Variants in CSMD2 observed in about 807,000 individuals in gnomAD.
CSMD2 encodes CUB and sushi domain-containing protein 2.
Under a neutral mutation model 398.5 loss-of-function variants are expected in CSMD2, and 130 were observed. That is an observed-to-expected ratio of 0.33 (90% CI 0.28 to 0.38). The LOEUF (loss-of-function observed/expected upper bound fraction) is 0.38. Ranked by LOEUF, CSMD2 falls within the 10% of genes least tolerant of loss-of-function variation. CSMD2 has a pLI of 1.00. For synonymous variants in CSMD2, 1,828 were observed against 1,908.5 expected (o/e 0.96, Z 1.10); for missense variants, 3,829 against 4,764.9 (o/e 0.80, Z 5.78).
chr1:34,109,885 C>G (rs1660878148), intron 1 of CSMD2, among the ~76,000 whole-genome samples: 1 of 151,234 alleles, frequency 6.6e-6, no homozygotes. Flanking sequence ...TAAAAATACA[C>G]AAAAAATTAG....
chr1:33,805,749 T>C (rs1026822713), intron 10 of CSMD2, among the ~76,000 whole-genome samples: 2 of 151,994 alleles, frequency 1.3e-5, no homozygotes, highest in African/African-American at 4.8e-5. Flanking sequence ...GGAAAAGCCA[T>C]GAGAGGACAC....
chr1:33,772,630 T>C lies in CSMD2; in HGVS notation c.1785A>G (p.Gly595=), dbSNP rs766021275. The C allele has an allele frequency of 2.5e-6, 4 of 1,614,000 alleles. No homozygotes were observed. In the South Asian group the frequency reaches 4.4e-5, roughly 18 times the overall value. Residue 595 remains glycine (G), a synonymous_variant, in exon 13 of 71, where the codon GGA becomes GGG. Coordinates refer to ENST00000373381, the MANE Select transcript of CSMD2 (RefSeq NM_001281956.2). Reference sequence around the variant, plus strand: ...TCTTTTGGCATGTGATTGCCTTCTGTCCCACCAGCTCAAAGGCGGGCTGGC... The same window carrying C: ...TCTTTTGGCATGTGATTGCCTTCTGCCCCACCAGCTCAAAGGCGGGCTGGC... ...FECQPAFELV[G]QKAITCQKNN... is the part of the protein sequence containing the mutation.
chr1:34,061,870 C>T (rs1481254841), intron 2 of CSMD2, among the ~76,000 whole-genome samples: 1 of 152,170 alleles, frequency 6.6e-6, no homozygotes, highest in East Asian at 1.9e-4. Context: ...AACCTGACAC[C>T]ATTATTGCCG....
intron 29 of CSMD2, among the ~76,000 whole-genome samples, chr1:33,643,729 C>T (rs1196715541): frequency 6.6e-6 from 1 of 152,096 alleles, no homozygotes; most frequent in Non-Finnish European, 1.5e-5. Flanking sequence ...GACCTGATAG[C>T]AAAGTAGACC....
intron 2 of CSMD2, among the ~76,000 whole-genome samples, chr1:34,066,426 C>A (rs1375990627): frequency 6.6e-6 from 1 of 152,092 alleles, no homozygotes; most frequent in African/African-American, 2.4e-5. Context: ...TCCTTTGCAT[C>A]TTGAAACACC....
chr1:33,555,164 T>C (rs1369586828), intron 55 of CSMD2, among the ~76,000 whole-genome samples: 2 of 152,088 alleles, frequency 1.3e-5, no homozygotes, highest in Admixed American at 6.6e-5. Flanking sequence ...AAAAAGCTGA[T>C]TGCACCCCTC....
chr1:33,526,131 T>C (rs1212489367), intron 65 of CSMD2, among the ~76,000 whole-genome samples: 1 of 152,184 alleles, frequency 6.6e-6, no homozygotes, highest in African/African-American at 2.4e-5. Context: ...TTATTATTTG[T>C]CAATTAAAAT....
At chr1:33,995,175 A>C (rs574968539) in intron 3 of CSMD2, among the ~76,000 whole-genome samples, 27 of 152,314 alleles carry the variant, frequency 1.8e-4, no homozygotes, top group African/African-American at 6.5e-4. Flanking sequence ...AAGAGAAGAA[A>C]GGTTCTCCAA....
chr1:33,678,721 A>C (rs979509023), intron 25 of CSMD2, among the ~76,000 whole-genome samples: 4 of 152,224 alleles, frequency 2.6e-5, no homozygotes, highest in Non-Finnish European at 5.9e-5. Context: ...AATAGCAGAC[A>C]ATAATAATTA....
At position 33,871,427 on chromosome 1, in the gene CSMD2, T is replaced by C. The variant is rs529937738; in HGVS notation, c.921-24431A>G. 2.3e-3 allele frequency among the ~76,000 whole-genome samples: 345 copies of C among 152,300 alleles called. 1 individual carries two copies. The highest frequency in any genetic ancestry group is 7.9e-3 in the African/African-American group (330 of 41,556). On this transcript the variant is annotated intron_variant, in intron 5 of 70. Coordinates refer to ENST00000373381, the MANE Select transcript of CSMD2 (RefSeq NM_001281956.2). ...TTGGAAACTAGAATGTCTTTGTCCATTTTCTATTGCCTGTAACAGAATATC... is the reference window on the plus strand; with the variant it reads ...TTGGAAACTAGAATGTCTTTGTCCACTTTCTATTGCCTGTAACAGAATATC...
chr1:34,112,009 TC>T (rs1661140699), intron 1 of CSMD2, among the ~76,000 whole-genome samples: 1 of 150,774 alleles, frequency 6.6e-6, no homozygotes, highest in South Asian at 2.1e-4. Context: ...TCTCTCTCTC[TC>T]TCTCTCTCTT....
At chr1:33,621,431 C>A (rs980442411) in intron 37 of CSMD2, among the ~76,000 whole-genome samples, 1 of 152,214 alleles carries the variant, frequency 6.6e-6, no homozygotes, top group African/African-American at 2.4e-5. Flanking sequence ...TATGTGTCTA[C>A]CTCTCTTTAG....
chr1:33,805,261 C>A (rs1170427154), intron 10 of CSMD2, among the ~76,000 whole-genome samples: 1 of 152,248 alleles, frequency 6.6e-6, no homozygotes, highest in Non-Finnish European at 1.5e-5. Context: ...CTCTAGTCAA[C>A]AACTTAATAT....
In CSMD2 at chr1:33,693,015, C is replaced by T; in HGVS notation, c.3967G>A (p.Val1323Met). ...GTVRGEVSGQ[V>M]LSPGYPAPYE... The stretch of plus-strand genomic sequence containing the variant: ...GGAGCTGGATACCCGGGTGACAGCA[C>T]CTGCCCCGACACCTCTCCTCTCACT... Residue 1323 changes from valine (V) to methionine (M), a missense_variant, in exon 25 of 71, where the codon GTG becomes ATG. Val to Met is a conservative substitution (Grantham distance 21). Around this residue, in one of 5 missense-constraint regions of CSMD2, gnomAD observed 2,001 missense variants for 2,567.1 expected, o/e 0.78. Coordinates refer to ENST00000373381, the MANE Select transcript of CSMD2 (RefSeq NM_001281956.2). 1 of 1,604,346 alleles carries T rather than the reference C, an allele frequency of 6.2e-7. No homozygotes were observed. The highest frequency in any genetic ancestry group is 8.5e-7 in the Non-Finnish European group (1 of 1,175,884).
At chr1:33,524,098 T>C (rs1009985997) in intron 66 of CSMD2, among the ~76,000 whole-genome samples, 20 of 152,274 alleles carry the variant, frequency 1.3e-4, no homozygotes, top group African/African-American at 4.8e-4. Flanking sequence ...GTTTTCTTTC[T>C]TATGAATGTA....
intron 6 of CSMD2, among the ~76,000 whole-genome samples, chr1:33,832,834 A>T (rs1182203573): frequency 6.6e-6 from 1 of 152,200 alleles, no homozygotes; most frequent in Admixed American, 6.5e-5. Flanking sequence ...CACTGATCCC[A>T]CAGAAATACA....
chr1:34,149,640 T>G (rs1013335575), intron 1 of CSMD2, among the ~76,000 whole-genome samples: 3 of 152,140 alleles, frequency 2.0e-5, no homozygotes, highest in African/African-American at 7.2e-5. Context: ...AGCCCTTTTG[T>G]GAAGTGTATT....
At chr1:34,024,779 T>C (rs1335848824) in intron 3 of CSMD2, among the ~76,000 whole-genome samples, 2 of 152,186 alleles carry the variant, frequency 1.3e-5, no homozygotes, top group African/African-American at 2.4e-5. Flanking sequence ...ATGCTGCAAA[T>C]TGCATATTCA....
chr1:33,943,159 A>G (rs898274885), intron 3 of CSMD2, among the ~76,000 whole-genome samples: 2 of 152,236 alleles, frequency 1.3e-5, no homozygotes, highest in Non-Finnish European at 2.9e-5. Flanking sequence ...AGAATACATA[A>G]TAATTTGAAA....
Sources: gnomAD v4.1 joint callset for allele counts (sites outside exome capture counted in the v4.1 genomes callset) on GRCh38, gnomAD v4.1.1 for gene constraint, gnomAD v4.1.1 regional missense constraint, MANE v1.5 for transcripts, NCBI Gene and HGNC (gene_info 2026-07-23, HGNC 2026-07-21) for gene names.